The following CNTN2 variants were observed in gnomAD, a reference collection of about 807,000 sequenced individuals.
CNTN2 encodes contactin-2.
A neutral mutation model predicts 117.5 loss-of-function variants in CNTN2; 53 were observed. The observed-to-expected ratio is 0.45, with a 90% CI of 0.36 to 0.57. The LOEUF (loss-of-function observed/expected upper bound fraction) is 0.57, where lower values mean the gene tolerates loss of function less well. Among genes scored for constraint, CNTN2 ranks in the 20% least tolerant of loss-of-function variants. The pLI is 0.00. For synonymous variants in CNTN2, 530 were observed against 561.7 expected (o/e 0.94, Z 0.80); for missense variants, 1,106 against 1,404.3 (o/e 0.79, Z 3.39).
At chr1:205,054,609 T>G (rs536694647) in intron 2 of CNTN2, among the ~76,000 whole-genome samples, 1 of 152,288 alleles carries the variant, frequency 6.6e-6, no homozygotes, top group South Asian at 2.1e-4. Flanking sequence ...ATGGACAGCA[T>G]CCAAGTTCCT....
intron 1 of CNTN2, among the ~76,000 whole-genome samples, chr1:205,051,513 G>A (rs886705661): frequency 2.0e-5 from 3 of 152,168 alleles, no homozygotes; most frequent in Admixed American, 6.5e-5. Context: ...GACAGGGAGG[G>A]GCAGGTATTT....
At position 205,049,282 on chromosome 1, in the gene CNTN2, ACACACACACAC is replaced by A. The variant is rs2096447971; in HGVS notation, c.-86-3817_-86-3807del. On this transcript the variant is annotated intron_variant, in intron 1 of 22. Transcript: ENST00000331830. ...GCAAGGGGCTGAGTCCTCACACCCG[ACACACACACAC>A]ACACACACACACACACACACACACA... Among the ~76,000 whole-genome samples the A allele has an allele frequency of 4.3e-4, 21 of 48,870 alleles. No homozygotes were observed. The East Asian group carries it at 4.6e-3, about 11-fold the overall frequency. The allele number at this position is 48,870 out of a possible 152,430, so 32.1% of individuals were successfully genotyped here.
At position 205,058,909 on chromosome 1, in the gene CNTN2, C is replaced by A; in HGVS notation, c.488-175C>A. On this transcript the variant is annotated intron_variant, in intron 5 of 22. Coordinates refer to ENST00000331830, the MANE Select transcript of CNTN2 (RefSeq NM_005076.5). This position sits in a 1 kb window ranked among gnomAD's most constrained non-coding sequence, Gnocchi z 4.3. ...GCGATCCCTGGCAGACTTAGCGCTC[C>A]CTGAGGGCAGGAATAAAGTCACTTC... is the stretch of plus-strand genomic sequence containing the variant. The A allele has an allele frequency of 1.4e-6, 1 of 703,748 alleles. No individual in the cohort carries two copies. The highest frequency in any genetic ancestry group is 2.4e-6 in the Non-Finnish European group (1 of 423,808). The allele number at this position is 703,748 out of a possible 1,614,324, so 43.6% of individuals were successfully genotyped here.
intron 1 of CNTN2, among the ~76,000 whole-genome samples, chr1:205,043,978 G>C (rs925328713): frequency 1.3e-5 from 2 of 152,174 alleles, no homozygotes; most frequent in African/African-American, 4.8e-5. Context: ...ACTGGGACTC[G>C]GGGAGGAGAG....
chr1:205,072,414 T>C (rs3903399), intron 20 of CNTN2, 69 bp from the exon 21 acceptor site: 300,466 of 1,329,340 alleles, frequency 0.23, 36,007 homozygotes, highest in East Asian at 0.41. Flanking sequence ...GAAGGGCTGG[T>C]TAAAGGTGAG....
At position 205,061,312 on chromosome 1, in the gene CNTN2, C is replaced by A; in HGVS notation, c.865C>A (p.Pro289Thr). 1.2e-6 allele frequency: 2 copies of A among 1,614,122 alleles called. No individual in the cohort carries two copies. The highest frequency in any genetic ancestry group is 1.7e-6 in the Non-Finnish European group (2 of 1,180,000). ...SLSPQWTTAE[P>T]TLQIPSVSFE... is the part of the protein sequence containing the mutation. ...GTCCCCGCAGTGGACCACAGCTGAG[C>A]CCACCCTGCAGATCCCCAGCGTCAG... Residue 289 changes from proline to threonine, a missense_variant, in exon 8 of 23, where the codon CCC becomes ACC. Physicochemically the swap from Pro to Thr is conservative, Grantham distance 38. Coordinates refer to ENST00000331830, the MANE Select transcript of CNTN2 (RefSeq NM_005076.5). This position sits in a 1 kb window ranked among gnomAD's most constrained non-coding sequence, Gnocchi z 4.8.
intron 14 of CNTN2, 120 bp downstream of exon 14, chr1:205,066,029 G>T: frequency 8.1e-7 from 1 of 1,228,198 alleles, no homozygotes; most frequent in Non-Finnish European, 1.1e-6. Context: ...GGCTTCCGGC[G>T]GAACTCCTGT....
chr1:205,044,037 C>T (rs2096436765), intron 1 of CNTN2, among the ~76,000 whole-genome samples: 1 of 152,146 alleles, frequency 6.6e-6, no homozygotes, highest in African/African-American at 2.4e-5. Flanking sequence ...GGCTACCGGG[C>T]TGAAATTCCT....
intron 1 of CNTN2, among the ~76,000 whole-genome samples, chr1:205,050,642 G>A (rs2096451013): frequency 6.6e-6 from 1 of 151,932 alleles, no homozygotes; most frequent in African/African-American, 2.4e-5. Flanking sequence ...TTTTGAAATG[G>A]AATTTTGCTC....
At chr1:205,070,404 C>G (rs767659022) in intron 18 of CNTN2, 22 bp from the exon 19 acceptor site, 7 of 1,564,568 alleles carry the variant, frequency 4.5e-6, no homozygotes, top group Admixed American at 3.4e-5. Context: ...GGAATCCAAA[C>G]CCATTCTGTA....
In CNTN2 at chr1:205,067,075, A is replaced by C. The variant is rs747938097; in HGVS notation, c.1976-26A>C. 5 of 1,587,106 alleles carry C rather than the reference A, an allele frequency of 3.2e-6. No individual in the cohort carries two copies. In the African/African-American group the frequency reaches 6.7e-5, roughly 21 times the overall value. On this transcript the variant is annotated intron_variant, in intron 15 of 22. Coordinates refer to ENST00000331830, the MANE Select transcript of CNTN2 (RefSeq NM_005076.5). ...ACCCAGATGAATAAGCGAATGCTGG[A>C]ATATGGACTCCCTGGTGCCTTGCAG...
At chr1:205,049,968 C>A (rs1263661455) in intron 1 of CNTN2, among the ~76,000 whole-genome samples, 1 of 152,110 alleles carries the variant, frequency 6.6e-6, no homozygotes, top group Non-Finnish European at 1.5e-5. Flanking sequence ...GACTTCACAG[C>A]AGCTTGAAAA....
At chr1:205,072,942 G>A in intron 21 of CNTN2, 126 bp from the exon 22 acceptor site, 2 of 966,120 alleles carry the variant, frequency 2.1e-6, no homozygotes, top group Non-Finnish European at 3.1e-6. Context: ...ATGGGGAGGA[G>A]GGGTGAGGAG....
rs778178054 is a variant in CNTN2, at chr1:205,064,425, C to G, written c.1344C>G (p.Ala448=). ...IPCQPRAAPK[A]VVLWSKGTEI... ...GCCAGCCCCGGGCAGCTCCAAAGGC[C>G]GTGGTGCTCTGGAGCAAAGGCACGG... Residue 448 remains alanine, a synonymous_variant, in exon 11 of 23, where the codon GCC becomes GCG. Coordinates refer to ENST00000331830, the MANE Select transcript of CNTN2 (RefSeq NM_005076.5). 3 of 1,612,848 alleles carry G rather than the reference C, an allele frequency of 1.9e-6. No homozygotes were observed. Among genetic ancestry groups the G allele is most frequent in the East Asian group, 2.2e-5 (1 of 44,810 alleles).
intron 16 of CNTN2, chr1:205,069,170 T>C (rs1654453210): frequency 3.0e-6 from 1 of 331,390 alleles, no homozygotes; most frequent in Admixed American, 4.5e-5. Flanking sequence ...ATCTGCTCTA[T>C]ACTAACCACC....
chr1:205,075,587 C>T lies in CNTN2; in HGVS notation c.*1822C>T, dbSNP rs1385809646. ...GTTTTTTAAACTTTTAAGTCCTGCT[C>T]TATTTTCCTGGGCAGGTTTATGTTG... On this transcript the variant is annotated 3_prime_UTR_variant, in exon 23 of 23. Transcript: ENST00000331830. 2 of 152,642 alleles carry T rather than the reference C, an allele frequency of 1.3e-5. No homozygotes were observed. Among genetic ancestry groups the T allele is most frequent in the Admixed American group, 1.3e-4 (2 of 15,282 alleles). 9.5% of individuals were successfully genotyped at this position (152,642 alleles called of 1,614,324 possible).
At position 205,071,990 on chromosome 1, in the gene CNTN2, G is replaced by C; in HGVS notation, c.2588G>C (p.Arg863Pro). 6.2e-7 allele frequency: 1 copy of C among 1,613,970 alleles called. No homozygotes were observed. The highest frequency in any genetic ancestry group is 8.5e-7 in the Non-Finnish European group (1 of 1,179,970). Reference protein sequence around the residue: ...KAGDKEAAADRVRTAGLDTSA... With the variant: ...KAGDKEAAADPVRTAGLDTSA... ...GGGGACAAAGAAGCAGCTGCGGACC[G>C]AGTGAGGACAGCAGGGCTGGACACC... The change falls in exon 20 of 23, where the codon CGA becomes CCA. Residue 863 changes from arginine (R) to proline (P), a missense_variant. Physicochemically the swap from Arg to Pro is moderately radical, Grantham distance 103. Transcript: ENST00000331830.
intron 2 of CNTN2, among the ~76,000 whole-genome samples, chr1:205,056,201 C>T (rs565696955): frequency 1.3e-5 from 2 of 152,288 alleles, no homozygotes; most frequent in South Asian, 4.1e-4. Context: ...CCCACTCAGC[C>T]ACCCCATCAC....
In CNTN2 at chr1:205,062,515, G is replaced by A; in HGVS notation, c.1186G>A (p.Val396Met). 2 of 1,614,140 alleles carry A rather than the reference G, an allele frequency of 1.2e-6. No homozygotes were observed. The highest frequency in any genetic ancestry group is 1.7e-6 in the Non-Finnish European group (2 of 1,180,006). ...SLEDSGMYQC[V>M]AENKHGTIYA... ...GGAAGACTCGGGCATGTACCAGTGT[G>A]TGGCAGAGAATAAGCACGGTACCAT... The change falls in exon 10 of 23, where the codon GTG (valine) becomes ATG (methionine). Residue 396 changes from valine to methionine, a missense_variant. Val to Met is a conservative substitution (Grantham distance 21). Transcript: ENST00000331830.
Sources: gnomAD v4.1 joint callset for allele counts (sites outside exome capture counted in the v4.1 genomes callset) on GRCh38, gnomAD v4.1.1 for gene constraint, Gnocchi (gnomAD v3.1) non-coding constraint, MANE v1.5 for transcripts, NCBI Gene and HGNC (gene_info 2026-07-23, HGNC 2026-07-21) for gene names.